The following MCTP1 variants were observed in gnomAD, a reference collection of about 807,000 sequenced individuals.
MCTP1 encodes multiple C2 and transmembrane domain-containing protein 1.
MCTP1 carries 69 observed loss-of-function variants against 120.6 expected under a neutral mutation model. The ratio of observed to expected loss-of-function variants is 0.57; its 90% CI spans 0.47 to 0.70. The LOEUF (loss-of-function observed/expected upper bound fraction) is 0.70, where lower values mean the gene tolerates loss of function less well. Ranked by LOEUF, MCTP1 falls within the 30% of genes least tolerant of loss-of-function variation. MCTP1 has a pLI of 0.00. For synonymous variants in MCTP1, 529 were observed against 493.1 expected (o/e 1.07, Z -0.96); for missense variants, 1,203 against 1,248.8 (o/e 0.96, Z 0.55).
intron 1 of MCTP1, among the ~76,000 whole-genome samples, chr5:95,130,378 CAA>C (rs1246104604): frequency 5.9e-5 from 9 of 152,116 alleles, no homozygotes; most frequent in Non-Finnish European, 1.2e-4. Context: ...TTTCCACTGA[CAA>C]GAGACATAAA....
chr5:94,745,296 C>T (rs1276115320), intron 19 of MCTP1, among the ~76,000 whole-genome samples: 4 of 152,166 alleles, frequency 2.6e-5, no homozygotes, highest in South Asian at 2.1e-4. Flanking sequence ...CTCCACAGCT[C>T]GGAGAGTGTG....
At chr5:94,948,043 TCAGAATAACCATCA>T (rs1453802940) in intron 3 of MCTP1, among the ~76,000 whole-genome samples, 3 of 152,122 alleles carry the variant, frequency 2.0e-5, no homozygotes, top group Admixed American at 1.3e-4. Context: ...TAAGGCAGTT[TCAGAATAACCATCA>T]CATTGTAAAA....
Position 95,151,872 on chromosome 5 carries a change from C to T in MCTP1, c.720+131984G>A, listed in dbSNP as rs577377492. The stretch of plus-strand genomic sequence containing the variant: ...AAGCCGGCACTCCCAAAACAGTCCC[C>T]GACCACACTCCCTTCCACACATATA... On this transcript the variant is annotated intron_variant, in intron 1 of 22. Coordinates refer to ENST00000515393, the MANE Select transcript of MCTP1 (RefSeq NM_024717.7). 3.3e-5 allele frequency among the ~76,000 whole-genome samples: 5 copies of T among 152,196 alleles called. No homozygotes were observed. In the South Asian group the frequency reaches 6.2e-4, roughly 19 times the overall value.
intron 2 of MCTP1, among the ~76,000 whole-genome samples, chr5:94,986,939 G>A (rs1191538341): frequency 6.6e-6 from 1 of 152,064 alleles, no homozygotes; most frequent in Non-Finnish European, 1.5e-5. Flanking sequence ...AATATAAAAT[G>A]GTGTAGTATT....
chr5:95,284,600 C>CCCTCCT lies in MCTP1; in HGVS notation c.-31_-26dup, dbSNP rs61185942. 31 of 1,372,432 alleles carry CCCTCCT rather than the reference C, an allele frequency of 2.3e-5. No individual in the cohort carries two copies. Among genetic ancestry groups the CCCTCCT allele is most frequent in the African/African-American group, 1.1e-4 (7 of 63,842 alleles). The allele number at this position is 1,372,432 out of a possible 1,614,324, so 85.0% of individuals were successfully genotyped here. A position where few individuals can be genotyped will look rare whatever the true frequency, so the allele number is the denominator to read the frequency against. Reference sequence around the variant, plus strand: ...TCCTCCACCCCCTGCTCCTCCTCTCCCCTCCTCCTCCTCCTCCTCCTCCTG... The same window carrying CCCTCCT: ...TCCTCCACCCCCTGCTCCTCCTCTCCCCTCCTCCTCCTCCTCCTCCTCCTCCTCCTG... On this transcript the variant is annotated 5_prime_UTR_variant, in exon 1 of 23. Coordinates refer to ENST00000515393, the MANE Select transcript of MCTP1 (RefSeq NM_024717.7). This position sits in a 1 kb window ranked among gnomAD's most constrained non-coding sequence, Gnocchi z 5.2.
At chr5:94,827,316 T>C (rs1340916503) in intron 17 of MCTP1, among the ~76,000 whole-genome samples, 1 of 152,216 alleles carries the variant, frequency 6.6e-6, no homozygotes, top group Non-Finnish European at 1.5e-5. Context: ...TTCTGGCTTG[T>C]AGGGCTTCTG....
chr5:94,734,538 T>C (rs548735584), intron 19 of MCTP1, among the ~76,000 whole-genome samples: 107 of 152,340 alleles, frequency 7.0e-4, no homozygotes, highest in African/African-American at 2.5e-3. Context: ...ATATTGAACA[T>C]ATACATTTGT....
chr5:94,843,905 G>GT (rs1791683893), intron 17 of MCTP1, among the ~76,000 whole-genome samples: 1 of 152,160 alleles, frequency 6.6e-6, no homozygotes, highest in African/African-American at 2.4e-5. Flanking sequence ...AAATAATGTA[G>GT]TTTTTTGTTT....
intron 19 of MCTP1, among the ~76,000 whole-genome samples, chr5:94,728,283 TTTAACAGGA>T (rs1379668028): frequency 2.0e-5 from 3 of 152,160 alleles, no homozygotes; most frequent in Non-Finnish European, 2.9e-5. Flanking sequence ...TGGCTATTGG[TTTAACAGGA>T]TAAAACAGTC....
intron 17 of MCTP1, among the ~76,000 whole-genome samples, chr5:94,846,577 A>T (rs1417077503): frequency 1.3e-5 from 2 of 152,156 alleles, no homozygotes; most frequent in Non-Finnish European, 2.9e-5. Flanking sequence ...TGGGTAATGG[A>T]ATTATCTGTA....
At chr5:94,754,642 T>C (rs1352895340) in intron 19 of MCTP1, among the ~76,000 whole-genome samples, 1 of 152,208 alleles carries the variant, frequency 6.6e-6, no homozygotes, top group Non-Finnish European at 1.5e-5. Flanking sequence ...GTCCGATCAG[T>C]CTTTTCAGAA....
chr5:95,118,759 T>C (rs560573719), intron 1 of MCTP1, among the ~76,000 whole-genome samples: 10 of 152,082 alleles, frequency 6.6e-5, no homozygotes, highest in Non-Finnish European at 1.0e-4. Flanking sequence ...CAAAGTAGAT[T>C]TCAAGACAAA....
intron 5 of MCTP1, among the ~76,000 whole-genome samples, chr5:94,935,216 T>G (rs1167695367): frequency 6.6e-6 from 1 of 152,020 alleles, no homozygotes; most frequent in Non-Finnish European, 1.5e-5. Context: ...ATGGCACCTA[T>G]GAAATACAAA....
At chr5:95,265,430 C>T (rs1453285134) in intron 1 of MCTP1, among the ~76,000 whole-genome samples, 1 of 152,212 alleles carries the variant, frequency 6.6e-6, no homozygotes, top group Non-Finnish European at 1.5e-5. Flanking sequence ...AGCACAGATC[C>T]ATATCCTTCT....
Position 95,284,652 on chromosome 5 carries a change from C to A in MCTP1, c.-77G>T. On this transcript the variant is annotated 5_prime_UTR_variant, in exon 1 of 23. Coordinates refer to ENST00000515393, the MANE Select transcript of MCTP1 (RefSeq NM_024717.7). The surrounding 1 kb of genome is among the most constrained non-coding windows in gnomAD (Gnocchi z 5.2). The stretch of plus-strand genomic sequence containing the variant: ...TTCTCCTCCCTCTTCGGCTGCACCT[C>A]CTCCCGGGTCCCCGCGGCGCTGGCG... 1 of 1,220,424 alleles carries A rather than the reference C, an allele frequency of 8.2e-7. No individual in the cohort carries two copies. The highest frequency in any genetic ancestry group is 1.1e-6 in the Non-Finnish European group (1 of 935,690). The allele number at this position is 1,220,424 out of a possible 1,614,324, so 75.6% of individuals were successfully genotyped here. A position where few individuals can be genotyped will look rare whatever the true frequency, so the allele number is the denominator to read the frequency against.
intron 3 of MCTP1, among the ~76,000 whole-genome samples, chr5:94,947,920 T>C (rs1819534044): frequency 1.3e-5 from 2 of 151,856 alleles, no homozygotes; most frequent in Admixed American, 6.6e-5. Flanking sequence ...CTAATAATAT[T>C]TGAAACCATA....
chr5:95,034,448 A>G (rs1191242246), intron 1 of MCTP1, among the ~76,000 whole-genome samples: 2 of 152,124 alleles, frequency 1.3e-5, no homozygotes, highest in East Asian at 3.9e-4. Flanking sequence ...ATCTTCAAAA[A>G]ATTCAACAAA....
intron 19 of MCTP1, among the ~76,000 whole-genome samples, chr5:94,770,200 C>T (rs1210569196): frequency 6.6e-6 from 1 of 152,208 alleles, no homozygotes; most frequent in African/African-American, 2.4e-5. Context: ...TGCTTCTCAT[C>T]TCAACATGCA....
chr5:95,189,704 G>A (rs558884045), intron 1 of MCTP1, among the ~76,000 whole-genome samples: 1 of 152,270 alleles, frequency 6.6e-6, no homozygotes, highest in African/African-American at 2.4e-5. Context: ...CAGAGGGTGT[G>A]AGGAATGAGA....
Sources: gnomAD v4.1 joint callset for allele counts (sites outside exome capture counted in the v4.1 genomes callset) on GRCh38, gnomAD v4.1.1 for gene constraint, Gnocchi (gnomAD v3.1) non-coding constraint, MANE v1.5 for transcripts, NCBI Gene and HGNC (gene_info 2026-07-23, HGNC 2026-07-21) for gene names.